The following WDR3 variants were observed in gnomAD, a reference collection of about 807,000 sequenced individuals.
WDR3 encodes WD repeat-containing protein 3.
In WDR3, 81 loss-of-function variants were observed where a neutral mutation model predicts 123.7. The ratio of observed to expected loss-of-function variants is 0.65; its 90% CI spans 0.55 to 0.79. WDR3 has a LOEUF of 0.79. WDR3 is among the 30% of genes least tolerant of loss of function. The pLI is 0.00. For missense variants in WDR3, 1,027 were observed against 1,123.2 expected, an observed-to-expected ratio of 0.91 and a Z score of 1.22; for synonymous variants, 390 against 388.8, an observed-to-expected ratio of 1.00 and a Z score of -0.04.
intron 24 of WDR3, 104 bp downstream of exon 24, chr1:117,955,462 A>T: frequency 8.8e-7 from 1 of 1,140,628 alleles, no homozygotes; most frequent in East Asian, 2.5e-5. Context: ...TGGTTATCTT[A>T]TAGGTTTAAC....
chr1:117,934,593 GA>G lies in WDR3; in HGVS notation c.294del (p.Gly99GlufsTer3). On this transcript the variant is annotated frameshift_variant, in exon 3 of 27. Transcript: ENST00000349139. LOFTEE classifies it high-confidence loss of function. ...CCGAATCTTCAGTCTCCTGAGTGGG[GA>G]AGGAAATGTGACCTTCAATGGTCAC... The part of the protein sequence containing the change: ...SIRIFSLLSG[E>X]GNVTFNGHKA... 2 of 1,614,170 alleles carry G rather than the reference GA, an allele frequency of 1.2e-6. No individual in the cohort carries two copies. The highest frequency in any genetic ancestry group is 1.7e-6 in the Non-Finnish European group (2 of 1,180,020).
chr1:117,940,503 C>T (rs540643653), intron 6 of WDR3, among the ~76,000 whole-genome samples: 23 of 152,164 alleles, frequency 1.5e-4, no homozygotes, highest in Non-Finnish European at 2.4e-4. Flanking sequence ...ATAGGAAGAT[C>T]ACTTGAGTCC....
At chr1:117,955,128 G>C (rs886676809) in intron 23 of WDR3, 187 bp from the exon 24 acceptor site, 1 of 479,010 alleles carries the variant, frequency 2.1e-6, no homozygotes. Flanking sequence ...AGCATAGTTG[G>C]TAAGGGGCAG....
chr1:117,935,967 T>A (rs1208710568), intron 3 of WDR3, among the ~76,000 whole-genome samples: 2 of 151,986 alleles, frequency 1.3e-5, no homozygotes, highest in Non-Finnish European at 2.9e-5. Context: ...AAGAAAGTCA[T>A]GAATTGGCAA....
rs1308666972 is a variant in WDR3, at chr1:117,961,148, T to G, written c.*1701T>G. Reference sequence around the variant, plus strand: ...AATACAAAAAACTAGCTGGGCGTGGTGGCAGGCGCTTGTAATCCCAGCTAC... The same window carrying G: ...AATACAAAAAACTAGCTGGGCGTGGGGGCAGGCGCTTGTAATCCCAGCTAC... On this transcript the variant is annotated 3_prime_UTR_variant, in exon 27 of 27. Transcript: ENST00000349139. 1 of 152,198 alleles carries G rather than the reference T, an allele frequency of 6.6e-6. No homozygotes were observed. Among genetic ancestry groups the G allele is most frequent in the Non-Finnish European group, 1.5e-5 (1 of 68,072 alleles). The allele number at this position is 152,198 out of a possible 1,614,324, so 9.4% of individuals were successfully genotyped here.
intron 7 of WDR3, 67 bp from the exon 8 acceptor site, chr1:117,941,057 T>A: frequency 6.3e-7 from 1 of 1,593,906 alleles, no homozygotes; most frequent in South Asian, 1.1e-5. Context: ...CTTATTAGAA[T>A]TATGTTTTTT....
At position 117,952,528 on chromosome 1, in the gene WDR3, G is replaced by A; in HGVS notation, c.2017G>A (p.Gly673Ser). The A allele has an allele frequency of 6.2e-7, 1 of 1,607,836 alleles. No individual in the cohort carries two copies. The highest frequency in any genetic ancestry group is 8.5e-7 in the Non-Finnish European group (1 of 1,178,158). Reference protein sequence around the residue: ...DKFEHIQTLEGHHQEIWCLAV... With the variant: ...DKFEHIQTLESHHQEIWCLAV... ...TCTTTATTTTTTTTTTCTCCTCCAG[G>A]GTCATCACCAGGAAATATGGTGTTT... The change falls in exon 19 of 27, where the codon GGT becomes AGT. Residue 673 changes from glycine (G) to serine (S), a missense_variant and splice_region_variant. Transcript: ENST00000349139.
chr1:117,959,330 CA>C lies in WDR3; in HGVS notation c.2717del (p.Lys906ArgfsTer33), dbSNP rs779113119. On this transcript the variant is annotated frameshift_variant, in exon 27 of 27. Transcript: ENST00000349139. LOFTEE classifies it high-confidence loss of function. ...GFNMAGLDYL[K>X]RECEAKSEVM... The stretch of plus-strand genomic sequence containing the variant: ...TCAATATGGCTGGTCTTGATTATCT[CA>C]AGAGGGAATGCGAGGCAAAAAGTGA... The C allele has an allele frequency of 5.6e-6, 9 of 1,613,572 alleles. No homozygotes were observed. The East Asian group carries it at 2.0e-4, about 36-fold the overall frequency.
intron 5 of WDR3, among the ~76,000 whole-genome samples, chr1:117,938,927 A>G (rs1225066706): frequency 6.6e-6 from 1 of 152,228 alleles, no homozygotes; most frequent in Admixed American, 6.5e-5. Context: ...ACAGAGATCT[A>G]TTCAGTTGAG....
intron 19 of WDR3, 134 bp from the exon 20 acceptor site, chr1:117,952,812 C>A: frequency 7.0e-7 from 1 of 1,430,470 alleles, no homozygotes; most frequent in Non-Finnish European, 9.5e-7. Context: ...TCACCCATTT[C>A]AGAAGCTAGG....
At position 117,933,390 on chromosome 1, in the gene WDR3, GTAAT is replaced by G. The variant is rs752193131; in HGVS notation, c.72_75del (p.Asn25LeufsTer4). 14 of 1,614,070 alleles carry G rather than the reference GTAAT, an allele frequency of 8.7e-6. No homozygotes were observed. Among genetic ancestry groups the G allele is most frequent in the Non-Finnish European group, 1.1e-5 (13 of 1,180,052 alleles). ...TTTGGCGTTATCGGCAGCCAAAAAG[GTAAT>G]ATTGTCTTTGTGACACTTCGTGGTG... is the stretch of plus-strand genomic sequence containing the variant. On this transcript the variant is annotated frameshift_variant, in exon 2 of 27. Transcript: ENST00000349139. LOFTEE classifies it high-confidence loss of function.
At position 117,953,498 on chromosome 1, in the gene WDR3, A is replaced by T. The variant is rs1651739932; in HGVS notation, c.2225A>T (p.Asp742Val). Residue 742 changes from aspartate (D) to valine (V), a missense_variant, in exon 21 of 27, where the codon GAC becomes GTC. By Grantham distance (152) the Asp-to-Val change is radical (BLOSUM62 -3). Transcript: ENST00000349139. ...QPAVPGETQG[D>V]SYFTGKKTIE... The stretch of plus-strand genomic sequence containing the variant: ...CAGGTTCCAGGAGAGACTCAAGGTG[A>T]CAGTTACTTTACTGGAAAGAAAACT... The T allele has an allele frequency of 2.5e-6, 4 of 1,612,810 alleles. No homozygotes were observed. The highest frequency in any genetic ancestry group is 3.4e-6 in the Non-Finnish European group (4 of 1,179,186).
chr1:117,950,938 C>A, intron 16 of WDR3, 48 bp downstream of exon 16: 1 of 1,463,064 alleles, frequency 6.8e-7, no homozygotes, highest in Non-Finnish European at 9.4e-7. Flanking sequence ...TTTTTTACAG[C>A]AGATACTTTC....
intron 22 of WDR3, 82 bp from the exon 23 acceptor site, chr1:117,954,493 TATAAA>T: frequency 7.5e-7 from 1 of 1,338,182 alleles, no homozygotes. Flanking sequence ...TTTTCAAAAT[TATAAA>T]ATACAGTTAC....
intron 5 of WDR3, among the ~76,000 whole-genome samples, 192 bp from the exon 6 acceptor site, chr1:117,939,285 C>T (rs1482066870): frequency 6.6e-6 from 1 of 152,172 alleles, no homozygotes; most frequent in Non-Finnish European, 1.5e-5. Context: ...AACAATTTCA[C>T]CGCAGGCCAT....
intron 3 of WDR3, among the ~76,000 whole-genome samples, chr1:117,935,880 AAAG>A (rs1204930682): frequency 3.3e-5 from 5 of 151,932 alleles, no homozygotes; most frequent in Non-Finnish European, 5.9e-5. Flanking sequence ...TTCAATATAA[AAAG>A]AAAGGATTAG....
At position 117,964,688 on chromosome 1, in the gene WDR3, A is replaced by T. The variant is rs1464818022; in HGVS notation, c.*5241A>T. ...TGTTTATGGTTTACTTACTTTATGT[A>T]TTGTCTGTCCTCCCACTGGAATGTA... On this transcript the variant is annotated 3_prime_UTR_variant, in exon 27 of 27. Transcript: ENST00000349139. The T allele has an allele frequency of 6.6e-6, 1 of 152,138 alleles. No homozygotes were observed. Among genetic ancestry groups the T allele is most frequent in the Non-Finnish European group, 1.5e-5 (1 of 68,010 alleles). The allele number at this position is 152,138 out of a possible 1,614,324, so 9.4% of individuals were successfully genotyped here.
At chr1:117,941,693 A>G in intron 8 of WDR3, 57 bp from the exon 9 acceptor site, 1 of 1,560,720 alleles carries the variant, frequency 6.4e-7, no homozygotes, top group Non-Finnish European at 8.7e-7. Flanking sequence ...TTAATTGAGA[A>G]TTAGGTAAAT....
intron 21 of WDR3, 134 bp from the exon 22 acceptor site, chr1:117,953,873 C>T (rs774628820): frequency 5.5e-6 from 4 of 733,482 alleles, no homozygotes; most frequent in Non-Finnish European, 9.0e-6. Flanking sequence ...CTTTTTGGCA[C>T]TCTATTCGCA....
Sources: gnomAD v4.1 joint callset for allele counts (sites outside exome capture counted in the v4.1 genomes callset) on GRCh38, gnomAD v4.1.1 for gene constraint, MANE v1.5 for transcripts, NCBI Gene and HGNC (gene_info 2026-07-23, HGNC 2026-07-21) for gene names.